The following SCARA5 variants were observed in gnomAD, a reference collection of about 807,000 sequenced individuals.
The protein encoded by SCARA5 is scavenger receptor class A member 5, also known as scavenger receptor class A, member 5 (putative).
A neutral mutation model predicts 46.3 loss-of-function variants in SCARA5; 45 were observed. The observed-to-expected ratio is 0.97, with a 90% confidence interval of 0.76 to 1.24. The LOEUF is 1.24. Ranked by LOEUF, SCARA5 falls within the 50% of genes most tolerant of loss-of-function variation. SCARA5 has a pLI of 0.00. For synonymous variants in SCARA5, 333 were observed against 306.5 expected (o/e 1.09, Z -0.90); for missense variants, 680 against 689.0 (o/e 0.99, Z 0.15).
At chr8:27,953,769 G>T (rs934309517) in intron 3 of SCARA5, among the ~76,000 whole-genome samples, 2 of 152,222 alleles carry the variant, frequency 1.3e-5, no homozygotes, top group Non-Finnish European at 2.9e-5. Flanking sequence ...GGGCCCATTG[G>T]GGGAGTCACC....
At chr8:27,949,744 C>A (rs1418488258) in intron 3 of SCARA5, among the ~76,000 whole-genome samples, 1 of 152,226 alleles carries the variant, frequency 6.6e-6, no homozygotes, top group Admixed American at 6.5e-5. Flanking sequence ...ATGGGAAAAG[C>A]CCCTGCCTGG....
In SCARA5 at chr8:27,880,857, G is replaced by GAAAAAAA. The variant is rs71222524; in HGVS notation, c.1154-1098_1154-1092dup. Reference sequence around the variant, plus strand: ...ATGACAAAGCAAGACCCTGTCTAAGGAAAAAAAAAAAAAAAAAAAGTGGGC... The same window carrying GAAAAAAA: ...ATGACAAAGCAAGACCCTGTCTAAGGAAAAAAAAAAAAAAAAAAAAAAAAAAGTGGGC... On this transcript the variant is annotated intron_variant, in intron 7 of 8. Transcript: ENST00000354914. 1.6e-4 allele frequency among the ~76,000 whole-genome samples: 15 copies of GAAAAAAA among 94,794 alleles called. 3 individuals carry two copies. Among genetic ancestry groups the GAAAAAAA allele is most frequent in the Admixed American group, 4.2e-4 (3 of 7,206 alleles). 62.2% of individuals were successfully genotyped at this position (94,794 alleles called of 152,430 possible). A position where few individuals can be genotyped will look rare whatever the true frequency, so the allele number is the denominator to read the frequency against.
rs80246994 is a variant in SCARA5, at chr8:27,949,655, G to A, written c.241+16759C>T. Among the ~76,000 whole-genome samples the A allele has an allele frequency of 9.8e-4, 149 of 152,282 alleles. 3 individuals are homozygous for A. In the East Asian group the frequency reaches 0.026, roughly 27 times the overall value. ...AGCAGCAGTGCCTGACTCACCTCCT[G>A]TCCTCCTTCCACCCCAACCGCATCC... On this transcript the variant is annotated intron_variant, in intron 3 of 8. Transcript: ENST00000354914.
chr8:27,922,283 G>C, intron 3 of SCARA5, 38 bp from the exon 4 acceptor site: 1 of 1,465,528 alleles, frequency 6.8e-7, no homozygotes, highest in Non-Finnish European at 9.1e-7. Flanking sequence ...AGCACCGCTG[G>C]GGAGGAAGGC....
chr8:27,886,213 A>G, intron 7 of SCARA5: 1 of 152,564 alleles, frequency 6.6e-6, no homozygotes, highest in African/African-American at 2.4e-5. Flanking sequence ...ACCTGTCCCC[A>G]GATCCCCTAG....
chr8:27,902,889 G>T (rs377385284), intron 7 of SCARA5, among the ~76,000 whole-genome samples: 18 of 152,276 alleles, frequency 1.2e-4, no homozygotes, highest in African/African-American at 4.1e-4. Context: ...TGTGAAGCTC[G>T]CAGATGGCCT....
Position 27,921,881 on chromosome 8 carries a change from G to A in SCARA5, c.606C>T (p.His202=), listed in dbSNP as rs768963483. The A allele has an allele frequency of 4.3e-5, 65 of 1,497,900 alleles. No homozygotes were observed. The South Asian group carries it at 8.1e-4, about 19-fold the overall frequency. The allele number at this position is 1,497,900 out of a possible 1,614,324, so 92.8% of individuals were successfully genotyped here. A position where few individuals can be genotyped will look rare whatever the true frequency, so the allele number is the denominator to read the frequency against. ...GCGCCAGCCCGTCCAGCAGGCCCGC[G>A]TGGCGCCTCAGCAGCAGCTGGCTAC... ...SNSSQLLLRR[H]AGLLDGLARR... Residue 202 remains histidine (H), a synonymous_variant, in exon 4 of 9, where the codon CAC becomes CAT. Transcript: ENST00000354914.
intron 7 of SCARA5, among the ~76,000 whole-genome samples, chr8:27,902,426 C>G (rs180762727): frequency 6.6e-6 from 1 of 152,284 alleles, no homozygotes; most frequent in East Asian, 1.9e-4. Context: ...ACAGAGCCCA[C>G]CAGCCTGGCC....
Position 27,879,866 on chromosome 8 carries a change from G to A in SCARA5, c.1154-100C>T, listed in dbSNP as rs73564928. The A allele has an allele frequency of 4.5e-3, 5,167 of 1,146,928 alleles. 152 individuals are homozygous for A. The African/African-American group carries it at 0.063, about 14-fold the overall frequency. The allele number at this position is 1,146,928 out of a possible 1,614,324, so 71.0% of individuals were successfully genotyped here. Reference sequence around the variant, plus strand: ...CGCCTACCCCTGGGTAGGAGGAAGAGAGGGCTGGGGCCCAGCTGTATCAAG... The same window carrying A: ...CGCCTACCCCTGGGTAGGAGGAAGAAAGGGCTGGGGCCCAGCTGTATCAAG... On this transcript the variant is annotated intron_variant, in intron 7 of 8. Coordinates refer to ENST00000354914, the MANE Select transcript of SCARA5 (RefSeq NM_173833.6).
chr8:27,909,333 AG>A (rs1366276448), intron 5 of SCARA5, among the ~76,000 whole-genome samples: 1 of 152,094 alleles, frequency 6.6e-6, no homozygotes, highest in African/African-American at 2.4e-5. Context: ...GCATCTTCAA[AG>A]GGTTGGTCTG....
chr8:27,969,416 C>T (rs943546528), intron 2 of SCARA5, among the ~76,000 whole-genome samples: 2 of 152,002 alleles, frequency 1.3e-5, no homozygotes, highest in African/African-American at 2.4e-5. Flanking sequence ...AGCTACATAC[C>T]GTATGATTCT....
At chr8:27,906,378 G>C (rs191961652) in intron 6 of SCARA5, among the ~76,000 whole-genome samples, 1 of 152,358 alleles carries the variant, frequency 6.6e-6, no homozygotes, top group East Asian at 1.9e-4. Flanking sequence ...CTGCCTACAG[G>C]AAGAAGAGCA....
chr8:27,931,051 G>A (rs1807764841), intron 3 of SCARA5, among the ~76,000 whole-genome samples: 1 of 152,190 alleles, frequency 6.6e-6, no homozygotes, highest in Non-Finnish European at 1.5e-5. Flanking sequence ...ACTGAGGTCT[G>A]GATTCATGTG....
At chr8:27,874,947 C>T (rs1258300264) in intron 8 of SCARA5, among the ~76,000 whole-genome samples, 1 of 152,182 alleles carries the variant, frequency 6.6e-6, no homozygotes, top group African/African-American at 2.4e-5. Flanking sequence ...AAATTTAGAA[C>T]ATCTTCAAGG....
At chr8:27,954,785 G>A (rs934054711) in intron 3 of SCARA5, among the ~76,000 whole-genome samples, 1 of 152,212 alleles carries the variant, frequency 6.6e-6, no homozygotes, top group African/African-American at 2.4e-5. Context: ...GAACTGGCTT[G>A]TTTAGATGTG....
intron 3 of SCARA5, among the ~76,000 whole-genome samples, chr8:27,940,202 G>A (rs574004314): frequency 1.2e-4 from 19 of 152,246 alleles, no homozygotes; most frequent in South Asian, 4.1e-4. Context: ...TTGTTGAGCC[G>A]GTCATAAAGT....
At position 27,871,718 on chromosome 8, in the gene SCARA5, G is replaced by C; in HGVS notation, c.*216C>G. 1 of 1,402,320 alleles carries C rather than the reference G, an allele frequency of 7.1e-7. No homozygotes were observed. The highest frequency in any genetic ancestry group is 1.6e-5 in the South Asian group (1 of 62,446). The allele number at this position is 1,402,320 out of a possible 1,614,324, so 86.9% of individuals were successfully genotyped here. ...TCATGCAGGAACCTGGTGGAAGAGAGAGACGGGCAGTAGGTCCCAGAGTTA... is the reference window on the plus strand; with the variant it reads ...TCATGCAGGAACCTGGTGGAAGAGACAGACGGGCAGTAGGTCCCAGAGTTA... On this transcript the variant is annotated 3_prime_UTR_variant, in exon 9 of 9. Transcript: ENST00000354914.
chr8:27,957,781 C>T (rs1808228699), intron 3 of SCARA5, among the ~76,000 whole-genome samples: 1 of 152,208 alleles, frequency 6.6e-6, no homozygotes, highest in South Asian at 2.1e-4. Context: ...AATTAGATGA[C>T]ACAATGTATG....
chr8:27,984,446 C>T (rs1808668937), intron 2 of SCARA5, among the ~76,000 whole-genome samples: 1 of 152,154 alleles, frequency 6.6e-6, no homozygotes, highest in East Asian at 1.9e-4. Context: ...CACATTTAGA[C>T]TTCGAGGACC....
Sources: gnomAD v4.1 joint callset for allele counts (sites outside exome capture counted in the v4.1 genomes callset) on GRCh38, gnomAD v4.1.1 for gene constraint, MANE v1.5 for transcripts, NCBI Gene and HGNC (gene_info 2026-07-23, HGNC 2026-07-21) for gene names.